TBC1D1: variants seen among roughly 807,000 people sequenced by gnomAD.
TBC1D1 encodes the protein TBC1 domain family member 1.
TBC1D1 carries 89 observed loss-of-function variants against 125.6 expected under a neutral mutation model. The observed-to-expected ratio is 0.71, with a 90% CI of 0.60 to 0.85. The LOEUF (loss-of-function observed/expected upper bound fraction) is 0.85, where lower values mean the gene tolerates loss of function less well. TBC1D1 is among the 40% of genes least tolerant of loss of function. The pLI is 0.00. For missense variants in TBC1D1, 1,377 were observed against 1,469.2 expected, an observed-to-expected ratio of 0.94 and a Z score of 1.03; for synonymous variants, 565 against 564.1, an observed-to-expected ratio of 1.00 and a Z score of -0.02.
chr4:38,028,513 A>G (rs897044425), intron 7 of TBC1D1, among the ~76,000 whole-genome samples: 5 of 152,092 alleles, frequency 3.3e-5, no homozygotes, highest in African/African-American at 1.2e-4. Context: ...GTTGGGCTAC[A>G]TTCAGAGCCG....
chr4:38,073,759 C>A (rs1172510960), intron 12 of TBC1D1, among the ~76,000 whole-genome samples: 3 of 152,074 alleles, frequency 2.0e-5, no homozygotes, highest in Non-Finnish European at 4.4e-5. Context: ...AGTGAGGAAG[C>A]ACTCACTCCA....
At chr4:37,983,182 G>A (rs1420086779) in intron 2 of TBC1D1, among the ~76,000 whole-genome samples, 2 of 148,438 alleles carry the variant, frequency 1.3e-5, no homozygotes, top group Non-Finnish European at 3.0e-5. Context: ...GAGTGCAGTG[G>A]TGCGATCTCG....
intron 2 of TBC1D1, among the ~76,000 whole-genome samples, chr4:37,987,292 CTTT>C (rs1025328787): frequency 6.9e-6 from 1 of 145,474 alleles, no homozygotes; most frequent in Non-Finnish European, 1.5e-5. Context: ...CCTCCTTCCA[CTTT>C]TTTTTTTTTC....
At chr4:38,110,059 C>A (rs1201741569) in intron 15 of TBC1D1, 3 of 222,454 alleles carry the variant, frequency 1.3e-5, no homozygotes, top group Non-Finnish European at 2.3e-5. Context: ...GCAGAGCCAC[C>A]GTGAGACTGA....
chr4:38,039,055 T>G (rs564056919), intron 8 of TBC1D1, among the ~76,000 whole-genome samples: 1 of 150,468 alleles, frequency 6.6e-6, no homozygotes, highest in South Asian at 2.1e-4. Context: ...TTTTTTCACC[T>G]TAGATTAGTT....
intron 16 of TBC1D1, 146 bp downstream of exon 18, chr4:38,116,100 A>G (rs1762942864): frequency 3.6e-6 from 3 of 829,426 alleles, no homozygotes; most frequent in Non-Finnish European, 5.6e-6. Flanking sequence ...GCTAGGCATT[A>G]TTCCAAGCGC....
chr4:38,137,357 AACACCATCCCAC>A lies in TBC1D1; in HGVS notation c.*25_*36del. On this transcript the variant is annotated 3_prime_UTR_variant, in exon 20 of 20. Transcript: ENST00000261439. ...CTGACAGCTCTGCAGGAGAGATTGC[AACACCATCCCAC>A]ACTGTCCAGGCCTTAACTGAGAGGG... The A allele has an allele frequency of 6.2e-7, 1 of 1,605,540 alleles. No individual in the cohort carries two copies. Among genetic ancestry groups the A allele is most frequent in the Non-Finnish European group, 8.5e-7 (1 of 1,178,174 alleles).
chr4:38,075,283 G>A (rs77456425), intron 12 of TBC1D1, among the ~76,000 whole-genome samples: 60 of 152,294 alleles, frequency 3.9e-4, no homozygotes, highest in Non-Finnish European at 8.2e-4. Context: ...TGATGATCAT[G>A]TCGTCTGTTT....
chr4:38,034,759 A>G (rs895085499), intron 7 of TBC1D1, among the ~76,000 whole-genome samples: 5 of 152,238 alleles, frequency 3.3e-5, no homozygotes, highest in Non-Finnish European at 7.3e-5. Context: ...TTCAAAATTT[A>G]TAGACTAAAA....
intron 5 of TBC1D1, chr4:38,020,944 A>G (rs568437541): frequency 1.2e-5 from 4 of 340,286 alleles, no homozygotes; most frequent in South Asian, 1.0e-4. Flanking sequence ...TTACAATGTC[A>G]TTTTAGACAT....
intron 2 of TBC1D1, among the ~76,000 whole-genome samples, chr4:37,933,414 T>G (rs1197462476): frequency 6.7e-6 from 1 of 148,348 alleles, no homozygotes; most frequent in Non-Finnish European, 1.5e-5. Context: ...TTCACCTATA[T>G]GTATACACAC....
At chr4:37,957,037 C>G (rs573852001) in intron 2 of TBC1D1, among the ~76,000 whole-genome samples, 1 of 152,110 alleles carries the variant, frequency 6.6e-6, no homozygotes, top group African/African-American at 2.4e-5. Flanking sequence ...TACTCCTATC[C>G]GGTCTTTGGG....
chr4:37,956,399 T>C (rs1728941189), intron 2 of TBC1D1, among the ~76,000 whole-genome samples: 1 of 152,220 alleles, frequency 6.6e-6, no homozygotes, highest in African/African-American at 2.4e-5. Flanking sequence ...GATGTAAGTT[T>C]CCCGAGGGCA....
At chr4:37,960,237 C>G (rs1729709143) in intron 2 of TBC1D1, among the ~76,000 whole-genome samples, 1 of 152,180 alleles carries the variant, frequency 6.6e-6, no homozygotes, top group Admixed American at 6.5e-5. Context: ...GAAAGTGGTA[C>G]TCCCGAGATT....
chr4:37,910,068 C>T (rs1049064403), intron 2 of TBC1D1, among the ~76,000 whole-genome samples: 1 of 152,172 alleles, frequency 6.6e-6, no homozygotes, highest in Non-Finnish European at 1.5e-5. Context: ...CTGTGGGCTC[C>T]AGAAGCATAC....
intron 2 of TBC1D1, among the ~76,000 whole-genome samples, chr4:37,946,465 A>G (rs1726717822): frequency 6.6e-6 from 1 of 152,386 alleles, no homozygotes; most frequent in East Asian, 1.9e-4. Flanking sequence ...CACTTATTAC[A>G]TATGTAGAAT....
chr4:38,011,216 G>C (rs35483103), intron 2 of TBC1D1, among the ~76,000 whole-genome samples: 16,676 of 151,978 alleles, frequency 0.11, 1,378 homozygotes, highest in East Asian at 0.43. Context: ...AGCCGGGTGT[G>C]GTGGTGCATG....
chr4:37,906,548 T>C (rs1560461983), intron 2 of TBC1D1, among the ~76,000 whole-genome samples: 1 of 152,208 alleles, frequency 6.6e-6, no homozygotes, highest in Non-Finnish European at 1.5e-5. Flanking sequence ...TCACCATTCT[T>C]CCACCCAAAC....
chr4:38,097,943 T>C (rs961583849), intron 14 of TBC1D1, among the ~76,000 whole-genome samples: 5 of 152,244 alleles, frequency 3.3e-5, no homozygotes, highest in African/African-American at 1.2e-4. Context: ...TAAGGAAACT[T>C]GGGCTTAGAG....
Sources: allele counts gnomAD v4.1 joint callset (sites outside exome capture counted in the v4.1 genomes callset), GRCh38; gene constraint gnomAD v4.1.1; transcripts MANE v1.5; gene names NCBI Gene and HGNC (gene_info 2026-07-23, HGNC 2026-07-21).